Variants in NTRK2 observed in about 807,000 individuals in gnomAD.
NTRK2 encodes BDNF/NT-3 growth factors receptor.
In NTRK2, 13 loss-of-function variants were observed where a neutral mutation model predicts 94.5. The observed-to-expected ratio is 0.14, with a 90% CI of 0.09 to 0.22. NTRK2 has a LOEUF of 0.22. Among genes scored for constraint, NTRK2 ranks in the 10% least tolerant of loss-of-function variants. NTRK2 has a pLI of 1.00. For missense variants in NTRK2, 639 were observed against 1,071.2 expected (o/e 0.60, Z 5.63); for synonymous variants, 372 against 407.4 (o/e 0.91, Z 1.05).
chr9:84,920,632 T>A (rs2077535912), intron 14 of NTRK2, among the ~76,000 whole-genome samples: 1 of 152,222 alleles, frequency 6.6e-6, no homozygotes, highest in African/African-American at 2.4e-5. Flanking sequence ...CTACTCTATG[T>A]TTCATGCATT....
chr9:84,824,562 G>A (rs536474019), intron 12 of NTRK2, among the ~76,000 whole-genome samples: 1 of 152,328 alleles, frequency 6.6e-6, no homozygotes, highest in South Asian at 2.1e-4. Flanking sequence ...AAGGGGCTCT[G>A]GAGCCCCCAA....
chr9:84,787,723 G>A (rs1219446916), intron 12 of NTRK2, among the ~76,000 whole-genome samples: 1 of 152,112 alleles, frequency 6.6e-6, no homozygotes, highest in East Asian at 1.9e-4. Flanking sequence ...TTCTTCAATT[G>A]CAAAAATAAA....
intron 8 of NTRK2, among the ~76,000 whole-genome samples, chr9:84,727,394 T>C (rs1281820817): frequency 6.6e-6 from 1 of 152,208 alleles, no homozygotes; most frequent in Non-Finnish European, 1.5e-5. Flanking sequence ...TTTTCACTTA[T>C]ACTGAATAGA....
chr9:84,672,871 G>A (rs956224683), intron 2 of NTRK2, among the ~76,000 whole-genome samples: 1 of 152,078 alleles, frequency 6.6e-6, no homozygotes, highest in Non-Finnish European at 1.5e-5. Context: ...ATATCTGATG[G>A]CAGGTTCCTA....
intron 18 of NTRK2, 57 bp downstream of exon 18, chr9:85,020,421 T>C: frequency 6.3e-7 from 1 of 1,586,526 alleles, no homozygotes; most frequent in Non-Finnish European, 8.7e-7. Context: ...GAGGCATCCA[T>C]TGGCTGGGGC....
In NTRK2 at chr9:84,955,379, G is replaced by C. The variant is rs1306775992; in HGVS notation, c.2034G>C (p.Ala678=). 1 of 1,613,946 alleles carries C rather than the reference G, an allele frequency of 6.2e-7. No individual in the cohort carries two copies. The highest frequency in any genetic ancestry group is 8.5e-7 in the Non-Finnish European group (1 of 1,179,978). ...TGCATATAGCCCAGCAGATCGCCGC[G>C]GGCATGGTCTACCTGGCGTCCCAGC... ...QMLHIAQQIA[A]GMVYLASQHF... Residue 678 remains alanine, a synonymous_variant, in exon 17 of 19, where the codon GCG becomes GCC. Transcript: ENST00000277120.
chr9:84,846,702 G>A (rs1172523902), intron 12 of NTRK2, among the ~76,000 whole-genome samples: 1 of 152,206 alleles, frequency 6.6e-6, no homozygotes, highest in African/African-American at 2.4e-5. Context: ...GTAATCCAGG[G>A]CCTGTGTTTC....
chr9:84,898,917 G>A (rs1376564397), intron 14 of NTRK2, among the ~76,000 whole-genome samples: 1 of 152,128 alleles, frequency 6.6e-6, no homozygotes, highest in Non-Finnish European at 1.5e-5. Context: ...GGTCAGGCTG[G>A]TCTCGAACTC....
intron 17 of NTRK2, among the ~76,000 whole-genome samples, chr9:85,017,085 G>T (rs1440857410): frequency 6.6e-6 from 1 of 152,144 alleles, no homozygotes; most frequent in Non-Finnish European, 1.5e-5. Context: ...AAAAGTGGGT[G>T]CTGCTATCAA....
intron 2 of NTRK2, among the ~76,000 whole-genome samples, chr9:84,674,602 G>C (rs2058915947): frequency 6.6e-6 from 1 of 152,192 alleles, no homozygotes; most frequent in Non-Finnish European, 1.5e-5. Context: ...GCATTTAAGA[G>C]CCATGTATTT....
intron 14 of NTRK2, among the ~76,000 whole-genome samples, chr9:84,926,528 G>A (rs2077827114): frequency 6.6e-6 from 1 of 151,890 alleles, no homozygotes; most frequent in Non-Finnish European, 1.5e-5. Flanking sequence ...CACCGCACCC[G>A]GCCCAGTTTC....
rs138558531 is a variant in NTRK2, at chr9:84,939,051, C to CAAAAAAAAAAA, written c.1764+4769_1764+4779dup. ...TGGGTGACAGAGTGAGACCCCAACTCAAAAAAAAAAAAAAAAAAAAGAAAA... is the reference window on the plus strand; with the variant it reads ...TGGGTGACAGAGTGAGACCCCAACTCAAAAAAAAAAAAAAAAAAAAAAAAAAAAAAAGAAAA... On this transcript the variant is annotated intron_variant, in intron 15 of 18. Transcript: ENST00000277120. Among the ~76,000 whole-genome samples, 59 of 68,012 alleles carry CAAAAAAAAAAA rather than the reference C, an allele frequency of 8.7e-4. 2 individuals are homozygous for CAAAAAAAAAAA. The highest frequency in any genetic ancestry group is 1.1e-3 in the African/African-American group (21 of 18,332). The allele number at this position is 68,012 out of a possible 152,430, so 44.6% of individuals were successfully genotyped here. A position where few individuals can be genotyped will look rare whatever the true frequency, so the allele number is the denominator to read the frequency against.
chr9:84,928,413 A>T (rs2077897828), intron 14 of NTRK2, among the ~76,000 whole-genome samples: 2 of 152,204 alleles, frequency 1.3e-5, no homozygotes, highest in South Asian at 4.1e-4. Context: ...GAAATTGTTT[A>T]TTAGGAGATG....
At chr9:84,670,034 T>G in intron 1 of NTRK2, 146 bp downstream of exon 1, 1 of 160,280 alleles carries the variant, frequency 6.2e-6, no homozygotes, top group Non-Finnish European at 1.4e-5. Flanking sequence ...TGCAGCATCA[T>G]TCGGGGGCCC....
At chr9:84,734,202 C>T (rs748866216) in intron 9 of NTRK2, among the ~76,000 whole-genome samples, 3 of 152,200 alleles carry the variant, frequency 2.0e-5, no homozygotes, top group East Asian at 1.9e-4. Flanking sequence ...AGAAGGTTGC[C>T]GCCTTGAGGC....
chr9:84,986,421 C>T (rs956864044), intron 17 of NTRK2, among the ~76,000 whole-genome samples: 3 of 152,278 alleles, frequency 2.0e-5, no homozygotes, highest in African/African-American at 7.2e-5. Context: ...GCACAGTTCA[C>T]AGTAGGGTTT....
At chr9:84,877,831 G>A (rs990400107) in intron 14 of NTRK2, 11 of 1,043,804 alleles carry the variant, frequency 1.1e-5, no homozygotes, top group Non-Finnish European at 1.2e-5. Context: ...CTTTTGTACT[G>A]GAATTTGTGA....
intron 17 of NTRK2, among the ~76,000 whole-genome samples, chr9:85,005,360 C>T (rs1481993966): frequency 2.6e-5 from 4 of 152,212 alleles, no homozygotes; most frequent in African/African-American, 9.6e-5. Flanking sequence ...ATCCGTCTTC[C>T]ATCACCATCT....
chr9:84,877,821 C>G, intron 14 of NTRK2: 5 of 1,046,002 alleles, frequency 4.8e-6, no homozygotes, highest in Non-Finnish European at 5.8e-6. Flanking sequence ...AAAATGAGAT[C>G]TTTTGTACTG....
Sources: gnomAD v4.1 joint callset for allele counts (sites outside exome capture counted in the v4.1 genomes callset) on GRCh38, gnomAD v4.1.1 for gene constraint, MANE v1.5 for transcripts, NCBI Gene and HGNC (gene_info 2026-07-23, HGNC 2026-07-21) for gene names.